Variants in LIPM observed in about 807,000 individuals in gnomAD.
The protein encoded by LIPM is lipase member M.
Under a neutral mutation model 42.4 loss-of-function variants are expected in LIPM, and 42 were observed. The observed-to-expected ratio is 0.99, with a 90% confidence interval of 0.77 to 1.28. The LOEUF is 1.28. LIPM is among the 50% of genes most tolerant of loss of function. LIPM has a pLI of 0.00. For synonymous variants in LIPM, 177 were observed against 173.3 expected, an observed-to-expected ratio of 1.02 and a Z score of -0.17; for missense variants, 524 against 520.1, an observed-to-expected ratio of 1.01 and a Z score of -0.07.
intron 8 of LIPM, among the ~76,000 whole-genome samples, chr10:88,819,750 C>T (rs190306743): frequency 2.0e-5 from 3 of 152,264 alleles, no homozygotes; most frequent in Non-Finnish European, 4.4e-5. Context: ...GCAGTCAAGC[C>T]GGGTCTGCCT....
In LIPM at chr10:88,820,285, G is replaced by A. The variant is rs1224127047; in HGVS notation, c.1056G>A (p.Trp352Ter). The A allele has an allele frequency of 2.6e-6, 4 of 1,551,998 alleles. No homozygotes were observed. In the South Asian group the frequency reaches 3.6e-5, roughly 14 times the overall value. ...ATATGACGGTCCCTACAGCAATGTG[G>A]ACAGGAGGTCAGGACTGGCTTTCAA... ...VRDMTVPTAM[W>*]TGGQDWLSNP... Residue 352 changes from tryptophan to a stop codon, truncating the protein, a stop_gained, in exon 9 of 9, where the codon TGG (tryptophan) becomes TGA (stop). Coordinates refer to ENST00000404743, the MANE Select transcript of LIPM (RefSeq NM_001128215.1). LOFTEE classifies it low-confidence loss of function (END_TRUNC).
rs1357530668 is a variant in LIPM, at chr10:88,815,391, C to A, written c.746C>A (p.Thr249Asn). The change falls in exon 6 of 9, where the codon ACC (threonine) becomes AAC (asparagine). Residue 249 changes from threonine to asparagine, a missense_variant. Transcript: ENST00000404743. ...LFGKKEFLYQ[T>N]RFLRQLVIYL... ...GGCAAAAAAGAATTTCTGTATCAGA[C>A]CAGATTTCTCAGACAACTTGTTATT... 3 of 1,551,484 alleles carry A rather than the reference C, an allele frequency of 1.9e-6. No individual in the cohort carries two copies. In the South Asian group the frequency reaches 3.6e-5, roughly 18 times the overall value.
intron 7 of LIPM, among the ~76,000 whole-genome samples, chr10:88,817,443 C>T (rs1274211452): frequency 6.6e-6 from 1 of 152,092 alleles, no homozygotes; most frequent in Non-Finnish European, 1.5e-5. Flanking sequence ...CCATCAAAAC[C>T]AGAGAAGAAT....
Position 88,815,116 on chromosome 10 carries a change from G to A in LIPM, c.603G>A (p.Glu201=). Residue 201 remains glutamate (E), a synonymous_variant, in exon 5 of 9, where the codon GAG becomes GAA. Coordinates refer to ENST00000404743, the MANE Select transcript of LIPM (RefSeq NM_001128215.1). The stretch of plus-strand genomic sequence containing the variant: ...TTATTGCATTTTCCACCATGCCAGA[G>A]CTGGCTCAGAAAATCAAAATGTATT... ...MGFIAFSTMP[E]LAQKIKMYFA... The A allele has an allele frequency of 1.3e-6, 2 of 1,550,452 alleles. No individual in the cohort carries two copies. Among genetic ancestry groups the A allele is most frequent in the East Asian group, 2.4e-5 (1 of 40,920 alleles).
intron 2 of LIPM, among the ~76,000 whole-genome samples, chr10:88,810,037 C>A (rs539199931): frequency 6.6e-6 from 1 of 152,290 alleles, no homozygotes; most frequent in South Asian, 2.1e-4. Context: ...CACTTACCAT[C>A]ACCTGATATA....
chr10:88,803,746 T>C (rs529232182), intron 1 of LIPM, among the ~76,000 whole-genome samples: 1 of 151,854 alleles, frequency 6.6e-6, no homozygotes, highest in South Asian at 2.1e-4. Flanking sequence ...TCTATTTCAA[T>C]TTCATTGCCC....
chr10:88,813,892 T>G (rs949156095), intron 3 of LIPM, among the ~76,000 whole-genome samples: 1 of 152,008 alleles, frequency 6.6e-6, no homozygotes, highest in African/African-American at 2.4e-5. Context: ...AATCAGATCT[T>G]ATGAGAACTC....
intron 8 of LIPM, 82 bp downstream of exon 8, chr10:88,817,978 G>C (rs1843738234): frequency 1.9e-6 from 2 of 1,049,670 alleles, no homozygotes; most frequent in Middle Eastern, 2.1e-4. Context: ...GTTTATTCTA[G>C]ATATGGGAAT....
At chr10:88,809,895 T>C (rs1268375954) in intron 2 of LIPM, among the ~76,000 whole-genome samples, 8 of 152,208 alleles carry the variant, frequency 5.3e-5, no homozygotes, top group Non-Finnish European at 1.0e-4. Context: ...TCATCAGATG[T>C]CTATGCAGCT....
chr10:88,811,196 G>T (rs540476214), intron 2 of LIPM, among the ~76,000 whole-genome samples: 1 of 152,304 alleles, frequency 6.6e-6, no homozygotes, highest in African/African-American at 2.4e-5. Context: ...CTACCCATCT[G>T]ATCTGAGGTC....
rs964940049 is a variant in LIPM at position 88,808,199 on chromosome 10, CTG to C, written c.148-95_148-94del. ...AGCTAGGGAAAAGCAAGGACTTTCA[CTG>C]TGTTTTACAGCATCAAGGAATCTAC... On this transcript the variant is annotated intron_variant, in intron 1 of 8. Coordinates refer to ENST00000404743, the MANE Select transcript of LIPM (RefSeq NM_001128215.1). 1.0e-5 allele frequency: 7 copies of C among 672,832 alleles called. No individual in the cohort carries two copies. The Admixed American group carries it at 1.4e-4, about 14-fold the overall frequency. The allele number at this position is 672,832 out of a possible 1,614,324, so 41.7% of individuals were successfully genotyped here.
chr10:88,817,344 G>A (rs1843729539), intron 7 of LIPM, among the ~76,000 whole-genome samples: 1 of 152,214 alleles, frequency 6.6e-6, no homozygotes. Flanking sequence ...GTGTGTCTAT[G>A]TGGTGTGTGT....
intron 1 of LIPM, among the ~76,000 whole-genome samples, chr10:88,805,203 A>G (rs1284390553): frequency 6.6e-6 from 1 of 152,254 alleles, no homozygotes; most frequent in African/African-American, 2.4e-5. Context: ...ATAGTCCAGC[A>G]GGAAGGACAG....
In LIPM at chr10:88,817,776, T is replaced by G. The variant is rs1206625942; in HGVS notation, c.931-49T>G. On this transcript the variant is annotated intron_variant, in intron 7 of 8. Coordinates refer to ENST00000404743, the MANE Select transcript of LIPM (RefSeq NM_001128215.1). ...GCACATTTCCACCACCCCACCACGCTTATCCACTGAGACGTTGGAATTCCT... is the reference window on the plus strand; with the variant it reads ...GCACATTTCCACCACCCCACCACGCGTATCCACTGAGACGTTGGAATTCCT... The G allele has an allele frequency of 7.6e-6, 10 of 1,312,650 alleles. No individual in the cohort carries two copies. In the South Asian group the frequency reaches 1.1e-4, roughly 15 times the overall value. 81.3% of individuals were successfully genotyped at this position (1,312,650 alleles called of 1,614,324 possible).
chr10:88,804,500 TAGG>T (rs1843563691), intron 1 of LIPM, among the ~76,000 whole-genome samples: 1 of 151,974 alleles, frequency 6.6e-6, no homozygotes, highest in African/African-American at 2.4e-5. Flanking sequence ...GGTTCTGAGG[TAGG>T]AGAAGGGCAG....
chr10:88,802,730 C>A lies in LIPM; in HGVS notation c.-167C>A. On this transcript the variant is annotated 5_prime_UTR_variant, in exon 1 of 9. Transcript: ENST00000404743. ...GGACATCCTAGGCAATGTTTCCAGC[C>A]TACTTTGTGTTCTTTCCCTACCAAC... 1 of 634,426 alleles carries A rather than the reference C, an allele frequency of 1.6e-6. No individual in the cohort carries two copies. The highest frequency in any genetic ancestry group is 2.7e-6 in the Non-Finnish European group (1 of 371,730). The allele number at this position is 634,426 out of a possible 1,614,324, so 39.3% of individuals were successfully genotyped here.
intron 8 of LIPM, among the ~76,000 whole-genome samples, chr10:88,819,187 G>T (rs1175952234): frequency 6.6e-6 from 1 of 152,138 alleles, no homozygotes; most frequent in Non-Finnish European, 1.5e-5. Flanking sequence ...ACTGTGCCCG[G>T]CCCTAAGATG....
In LIPM at chr10:88,813,296, G is replaced by T. The variant is rs913967990; in HGVS notation, c.464+1G>T. 6.3e-6 allele frequency: 10 copies of T among 1,579,180 alleles called. No homozygotes were observed. The highest frequency in any genetic ancestry group is 8.6e-6 in the Non-Finnish European group (10 of 1,159,876). On this transcript the variant is annotated splice_donor_variant, in intron 3 of 8. Transcript: ENST00000404743. LOFTEE classifies it high-confidence loss of function. Reference sequence around the variant, plus strand: ...ACCAAGATGAGTTCTGGGCTTTCAGGTATATGATAATCTCGAGAACAGAGG... The same window carrying T: ...ACCAAGATGAGTTCTGGGCTTTCAGTTATATGATAATCTCGAGAACAGAGG...
chr10:88,815,425 T>TAA lies in LIPM; in HGVS notation c.780_781insAA (p.Gly261LysfsTer4). The TAA allele has an allele frequency of 1.9e-6, 3 of 1,551,590 alleles. No homozygotes were observed. The highest frequency in any genetic ancestry group is 2.6e-6 in the Non-Finnish European group (3 of 1,146,872). On this transcript the variant is annotated frameshift_variant, in exon 6 of 9. Transcript: ENST00000404743. LOFTEE classifies it high-confidence loss of function. ...TCAGACAACTTGTTATTTACCTTTGTGGCCAGGTGATTCTTGATCAGATTT... is the reference window on the plus strand; with the variant it reads ...TCAGACAACTTGTTATTTACCTTTGTAAGGCCAGGTGATTCTTGATCAGATTT...
Sources: gnomAD v4.1 joint callset for allele counts (sites outside exome capture counted in the v4.1 genomes callset) on GRCh38, gnomAD v4.1.1 for gene constraint, MANE v1.5 for transcripts, NCBI Gene and HGNC (gene_info 2026-07-23, HGNC 2026-07-21) for gene names.